TAFA2: variants seen among roughly 807,000 people sequenced by gnomAD.
The protein encoded by TAFA2 is chemokine-like protein TAFA-2.
TAFA2 carries 7 observed loss-of-function variants against 18.8 expected under a neutral mutation model. The ratio of observed to expected loss-of-function variants is 0.37; its 90% CI spans 0.21 to 0.70. TAFA2 has a LOEUF of 0.70. TAFA2 is among the 30% of genes least tolerant of loss of function. The pLI is 0.53. For synonymous variants in TAFA2, 60 were observed against 54.2 expected (o/e 1.11, Z -0.47); for missense variants, 122 against 158.1 (o/e 0.77, Z 1.23).
At chr12:61,932,426 G>A (rs1282507380) in intron 1 of TAFA2, among the ~76,000 whole-genome samples, 1 of 152,128 alleles carries the variant, frequency 6.6e-6, no homozygotes, top group Non-Finnish European at 1.5e-5. Context: ...AAACAGCAAG[G>A]AGAGGCATAA....
intron 1 of TAFA2, among the ~76,000 whole-genome samples, chr12:62,113,176 T>C (rs1307339134): frequency 6.6e-6 from 1 of 152,214 alleles, no homozygotes; most frequent in Non-Finnish European, 1.5e-5. Flanking sequence ...TGTGTGGCTG[T>C]CCTTTTTGTT....
At chr12:61,885,118 T>C (rs1031734139) in intron 1 of TAFA2, among the ~76,000 whole-genome samples, 8 of 152,180 alleles carry the variant, frequency 5.3e-5, no homozygotes, top group African/African-American at 1.4e-4. Flanking sequence ...TTCCCTGTAT[T>C]ATAAAAATAA....
chr12:61,984,459 C>T (rs898083735), intron 1 of TAFA2, among the ~76,000 whole-genome samples: 2 of 152,196 alleles, frequency 1.3e-5, no homozygotes, highest in Admixed American at 6.5e-5. Context: ...TGAGGGAAAA[C>T]ATTAGTGAAC....
intron 2 of TAFA2, among the ~76,000 whole-genome samples, chr12:61,763,247 T>G (rs1262834697): frequency 6.6e-6 from 1 of 152,026 alleles, no homozygotes; most frequent in Non-Finnish European, 1.5e-5. Flanking sequence ...TGTTCCACTT[T>G]TATATGGAAA....
At chr12:61,900,032 A>T (rs1876029694) in intron 1 of TAFA2, among the ~76,000 whole-genome samples, 1 of 152,338 alleles carries the variant, frequency 6.6e-6, no homozygotes, top group African/African-American at 2.4e-5. Flanking sequence ...TGTTGCATCC[A>T]GTTGTATTTC....
At position 61,997,641 on chromosome 12, in the gene TAFA2, G is replaced by A. The variant is rs550729055; in HGVS notation, c.-1-130215C>T. Among the ~76,000 whole-genome samples the A allele has an allele frequency of 1.1e-4, 16 of 152,178 alleles. 1 individual carries two copies. The South Asian group carries it at 3.3e-3, about 32-fold the overall frequency. On this transcript the variant is annotated intron_variant, in intron 1 of 4. Coordinates refer to ENST00000416284, the MANE Select transcript of TAFA2 (RefSeq NM_178539.5). ...TATATGACAAATTCACTGTGGGAGG[G>A]CAAGAGAGGAACCAAGGAGATCAGT...
intron 4 of TAFA2, among the ~76,000 whole-genome samples, chr12:61,717,688 T>C (rs1869721294): frequency 6.6e-6 from 1 of 152,228 alleles, no homozygotes; most frequent in Admixed American, 6.5e-5. Context: ...TAACTGATTA[T>C]ATTTAGGTGT....
At chr12:61,859,324 A>G (rs1202439025) in intron 2 of TAFA2, among the ~76,000 whole-genome samples, 3 of 152,172 alleles carry the variant, frequency 2.0e-5, no homozygotes, top group African/African-American at 7.2e-5. Flanking sequence ...CCATGATCCA[A>G]TTACTTCCAT....
chr12:61,927,481 G>C (rs1375378083), intron 1 of TAFA2, among the ~76,000 whole-genome samples: 1 of 152,072 alleles, frequency 6.6e-6, no homozygotes, highest in East Asian at 1.9e-4. Context: ...CCATCAAGGA[G>C]AACTACAAAA....
chr12:61,761,756 T>A (rs915064109), intron 2 of TAFA2, among the ~76,000 whole-genome samples: 1 of 152,036 alleles, frequency 6.6e-6, no homozygotes, highest in Non-Finnish European at 1.5e-5. Flanking sequence ...TCCAGATAAC[T>A]TACTTCCAGA....
intron 2 of TAFA2, among the ~76,000 whole-genome samples, chr12:61,765,474 G>T (rs1361383443): frequency 6.6e-6 from 1 of 152,102 alleles, no homozygotes; most frequent in Non-Finnish European, 1.5e-5. Flanking sequence ...TAGTAATAAT[G>T]ATATTCCTAG....
intron 1 of TAFA2, among the ~76,000 whole-genome samples, chr12:61,982,918 C>A (rs1879689700): frequency 7.5e-6 from 1 of 132,798 alleles, no homozygotes; most frequent in Non-Finnish European, 1.7e-5. Context: ...AAACTTCTGA[C>A]CCAAATGCTT....
intron 1 of TAFA2, among the ~76,000 whole-genome samples, chr12:61,972,642 C>A (rs900021037): frequency 6.6e-6 from 1 of 151,540 alleles, no homozygotes; most frequent in African/African-American, 2.4e-5. Context: ...AGAATCTGTA[C>A]TGGAAAGAGA....
At chr12:62,100,957 G>A (rs1869173842) in intron 1 of TAFA2, among the ~76,000 whole-genome samples, 1 of 152,134 alleles carries the variant, frequency 6.6e-6, no homozygotes, top group Admixed American at 6.5e-5. Flanking sequence ...CTTAATCACT[G>A]TGTTATACTG....
Position 61,824,111 on chromosome 12 carries a change from T to G in TAFA2, c.106+43209A>C, listed in dbSNP as rs371161036. 9.1e-4 allele frequency among the ~76,000 whole-genome samples: 138 copies of G among 152,294 alleles called. 4 individuals carry two copies. In the South Asian group the frequency reaches 0.027, roughly 30 times the overall value. On this transcript the variant is annotated intron_variant, in intron 2 of 4. Coordinates refer to ENST00000416284, the MANE Select transcript of TAFA2 (RefSeq NM_178539.5). ...TCAGCTGTGACGAAGCAAGTAGAAA[T>G]GGACACTACAGGAACTGATAGTAAC...
chr12:61,908,762 C>T (rs1295379379), intron 1 of TAFA2, among the ~76,000 whole-genome samples: 1 of 152,104 alleles, frequency 6.6e-6, no homozygotes, highest in Non-Finnish European at 1.5e-5. Context: ...TTTAGGCAAA[C>T]CTCTTTATGG....
chr12:62,034,988 A>G (rs1200011108), intron 1 of TAFA2, among the ~76,000 whole-genome samples: 1 of 152,196 alleles, frequency 6.6e-6, no homozygotes, highest in Non-Finnish European at 1.5e-5. Context: ...TGTTGTATCA[A>G]AATAACCACA....
intron 1 of TAFA2, among the ~76,000 whole-genome samples, chr12:61,869,333 G>T (rs757026247): frequency 1.3e-5 from 2 of 152,152 alleles, no homozygotes; most frequent in African/African-American, 2.4e-5. Context: ...TAACAGTGTT[G>T]TTGGTATGAA....
At chr12:61,726,317 C>CT (rs1458721328) in intron 4 of TAFA2, among the ~76,000 whole-genome samples, 5 of 151,706 alleles carry the variant, frequency 3.3e-5, no homozygotes, top group African/African-American at 1.2e-4. Flanking sequence ...TTGTAGATTG[C>CT]TTTTGGCGGT....
Sources: gnomAD v4.1 joint callset for allele counts (sites outside exome capture counted in the v4.1 genomes callset) on GRCh38, gnomAD v4.1.1 for gene constraint, MANE v1.5 for transcripts, NCBI Gene and HGNC (gene_info 2026-07-23, HGNC 2026-07-21) for gene names.